The following MSRA variants were observed in gnomAD, a reference collection of about 807,000 sequenced individuals.
MSRA encodes the protein methionine sulfoxide reductase A.
In MSRA, 54 loss-of-function variants were observed where a neutral mutation model predicts 31.3. The ratio of observed to expected loss-of-function variants is 1.73; its 90% confidence interval spans 1.39 to 2.17. The LOEUF is 2.17. Among genes scored for constraint, MSRA ranks in the 30% most tolerant of loss-of-function variants. MSRA has a pLI of 0.00. For synonymous variants in MSRA, 169 were observed against 116.5 expected, an observed-to-expected ratio of 1.45 and a Z score of -2.90; for missense variants, 507 against 300.9, an observed-to-expected ratio of 1.69 and a Z score of -5.07.
chr8:10,370,632 T>C (rs539146965), intron 5 of MSRA, among the ~76,000 whole-genome samples: 13 of 152,308 alleles, frequency 8.5e-5, no homozygotes, highest in Admixed American at 8.5e-4. Context: ...TTTTGATGAA[T>C]TGTAAAACAC....
chr8:10,374,372 C>T (rs974163600), intron 5 of MSRA, among the ~76,000 whole-genome samples: 16 of 152,178 alleles, frequency 1.1e-4, no homozygotes, highest in African/African-American at 3.4e-4. Flanking sequence ...TGGTGCTGTA[C>T]GGGAGAGGTG....
At chr8:10,295,771 T>G (rs4403412) in intron 3 of MSRA, among the ~76,000 whole-genome samples, 1 of 151,950 alleles carries the variant, frequency 6.6e-6, no homozygotes, top group Admixed American at 6.5e-5. Flanking sequence ...GTGGGAGCCT[T>G]TCCTCCAGCT....
intron 1 of MSRA, among the ~76,000 whole-genome samples, chr8:10,093,059 AC>A (rs925363911): frequency 5.9e-5 from 9 of 152,136 alleles, no homozygotes; most frequent in African/African-American, 2.2e-4. Context: ...TTTACTTTGA[AC>A]CTTTTTATGT....
chr8:10,063,301 T>G (rs944773566), intron 1 of MSRA, among the ~76,000 whole-genome samples: 2 of 152,226 alleles, frequency 1.3e-5, no homozygotes, highest in Non-Finnish European at 2.9e-5. Context: ...CTCCCCTGCC[T>G]GAGCTGTTCA....
chr8:10,404,650 G>A (rs1238167922), intron 5 of MSRA, among the ~76,000 whole-genome samples: 1 of 152,198 alleles, frequency 6.6e-6, no homozygotes, highest in Non-Finnish European at 1.5e-5. Context: ...GTGCTGCCGC[G>A]CCGCCCTCCC....
chr8:10,100,394 C>T (rs1202236887), intron 1 of MSRA, among the ~76,000 whole-genome samples: 1 of 152,080 alleles, frequency 6.6e-6, no homozygotes, highest in Non-Finnish European at 1.5e-5. Context: ...CAGGAAGGTA[C>T]CAAGTCCCCA....
chr8:10,231,511 C>G (rs574199831), intron 2 of MSRA, among the ~76,000 whole-genome samples: 1 of 152,272 alleles, frequency 6.6e-6, no homozygotes, highest in African/African-American at 2.4e-5. Context: ...CTTTTTTAAG[C>G]TTTCTCAGGT....
chr8:10,079,631 C>T (rs1462430203), intron 1 of MSRA, among the ~76,000 whole-genome samples: 1 of 152,160 alleles, frequency 6.6e-6, no homozygotes, highest in Non-Finnish European at 1.5e-5. Flanking sequence ...CCCGCAGTGT[C>T]CCTCCCCGCA....
intron 3 of MSRA, among the ~76,000 whole-genome samples, chr8:10,278,698 G>A (rs969733624): frequency 6.6e-6 from 1 of 152,192 alleles, no homozygotes. Flanking sequence ...GAGAGATAGA[G>A]CTCTACCTCC....
intron 4 of MSRA, among the ~76,000 whole-genome samples, chr8:10,316,213 A>G (rs1237171012): frequency 6.7e-6 from 1 of 149,640 alleles, no homozygotes; most frequent in East Asian, 2.0e-4. Flanking sequence ...TCTTTCATAC[A>G]TCCCTATATT....
chr8:10,349,691 C>T (rs996639845), intron 5 of MSRA, among the ~76,000 whole-genome samples: 2 of 152,294 alleles, frequency 1.3e-5, no homozygotes, highest in Non-Finnish European at 2.9e-5. Context: ...TGGCGCTCCT[C>T]GATTGGAAAG....
intron 1 of MSRA, among the ~76,000 whole-genome samples, chr8:10,148,559 A>G (rs1330912986): frequency 1.3e-5 from 2 of 151,922 alleles, no homozygotes; most frequent in Non-Finnish European, 2.9e-5. Flanking sequence ...AGGCAGGAGA[A>G]TCTCTTGAAC....
At chr8:10,245,730 G>A (rs1797590441) in intron 3 of MSRA, among the ~76,000 whole-genome samples, 2 of 152,212 alleles carry the variant, frequency 1.3e-5, no homozygotes, top group African/African-American at 4.8e-5. Context: ...TAATTCACAT[G>A]GTGGTGGATG....
At chr8:10,214,330 A>G (rs1419077077) in intron 2 of MSRA, among the ~76,000 whole-genome samples, 1 of 152,096 alleles carries the variant, frequency 6.6e-6, no homozygotes, top group East Asian at 1.9e-4. Flanking sequence ...GGAGAGTGAG[A>G]TCAATGTAAG....
chr8:10,336,022 G>A (rs1803018646), intron 5 of MSRA, among the ~76,000 whole-genome samples: 5 of 152,088 alleles, frequency 3.3e-5, no homozygotes, highest in African/African-American at 7.2e-5. Context: ...CTCTGGACAT[G>A]TCACACCCTC....
chr8:10,097,282 C>G (rs1486219644), intron 1 of MSRA, among the ~76,000 whole-genome samples: 2 of 152,098 alleles, frequency 1.3e-5, no homozygotes, highest in Admixed American at 6.6e-5. Context: ...AAAATGAAAT[C>G]ACTTAACATT....
chr8:10,155,366 G>C (rs1804061164), intron 1 of MSRA, among the ~76,000 whole-genome samples: 1 of 152,168 alleles, frequency 6.6e-6, no homozygotes, highest in South Asian at 2.1e-4. Flanking sequence ...TCAGTATGAA[G>C]TCATGTTAAA....
chr8:10,184,183 T>C (rs1247789059), intron 1 of MSRA, among the ~76,000 whole-genome samples: 3 of 151,818 alleles, frequency 2.0e-5, no homozygotes, highest in African/African-American at 7.3e-5. Context: ...GTTGATGGTG[T>C]TGGTGGAGGT....
In MSRA at chr8:10,298,763, C is replaced by G. The variant is rs991733787; in HGVS notation, c.332-2771C>G. On this transcript the variant is annotated intron_variant, in intron 3 of 5. Transcript: ENST00000317173. Reference sequence around the variant, plus strand: ...GTGGTATTTTAATGGTTCTATGAAACTTCATCTTATGAGTATACCACGTTT... The same window carrying G: ...GTGGTATTTTAATGGTTCTATGAAAGTTCATCTTATGAGTATACCACGTTT... Among the ~76,000 whole-genome samples the G allele has an allele frequency of 3.3e-5, 5 of 152,252 alleles. No individual in the cohort carries two copies. The East Asian group carries it at 7.7e-4, about 24-fold the overall frequency.
Sources: allele counts gnomAD v4.1 joint callset (sites outside exome capture counted in the v4.1 genomes callset), GRCh38; gene constraint gnomAD v4.1.1; transcripts MANE v1.5; gene names NCBI Gene and HGNC (gene_info 2026-07-23, HGNC 2026-07-21).